The following CDC42SE2 variants were observed in gnomAD, a reference collection of about 807,000 sequenced individuals.
The protein encoded by CDC42SE2 is CDC42 small effector 2.
A neutral mutation model predicts 11.5 loss-of-function variants in CDC42SE2; 3 were observed. The ratio of observed to expected loss-of-function variants is 0.26; its 90% CI spans 0.12 to 0.67. The LOEUF is 0.67. CDC42SE2 is among the 30% of genes least tolerant of loss of function. CDC42SE2 has a pLI of 0.80. For missense variants in CDC42SE2, 82 were observed against 106.8 expected, an observed-to-expected ratio of 0.77 and a Z score of 1.02; for synonymous variants, 33 against 34.8, an observed-to-expected ratio of 0.95 and a Z score of 0.18.
intron 1 of CDC42SE2, among the ~76,000 whole-genome samples, chr5:131,280,763 G>A (rs563315129): frequency 1.3e-5 from 2 of 152,208 alleles, no homozygotes; most frequent in Non-Finnish European, 1.5e-5. Flanking sequence ...GTCCAAGTCC[G>A]ACTGATCCTT....
the CDC42SE2 span, among the ~76,000 whole-genome samples, chr5:131,219,182 T>C: frequency 6.6e-6 from 1 of 152,232 alleles, no homozygotes; most frequent in South Asian, 2.1e-4. Context: ...AAATTTTTAT[T>C]TTAAAATAAA....
intron 1 of CDC42SE2, among the ~76,000 whole-genome samples, chr5:131,283,455 G>C (rs1757280110): frequency 6.6e-6 from 1 of 151,426 alleles, no homozygotes; most frequent in African/African-American, 2.4e-5. Context: ...TTAGCATAAT[G>C]TTTCAAGATT....
chr5:131,318,243 G>A (rs1293863046), intron 2 of CDC42SE2, among the ~76,000 whole-genome samples: 3 of 152,154 alleles, frequency 2.0e-5, no homozygotes, highest in African/African-American at 7.2e-5. Flanking sequence ...CCAACCAGGA[G>A]AATAACTTTT....
chr5:131,373,688 T>G (rs770065623), intron 3 of CDC42SE2, among the ~76,000 whole-genome samples: 2 of 151,868 alleles, frequency 1.3e-5, no homozygotes, highest in Admixed American at 6.6e-5. Flanking sequence ...TCGGAAGAAA[T>G]AGATGATACA....
At chr5:131,275,881 A>G (rs1757090377) in intron 1 of CDC42SE2, among the ~76,000 whole-genome samples, 1 of 150,032 alleles carries the variant, frequency 6.7e-6, no homozygotes, top group Non-Finnish European at 1.5e-5. Flanking sequence ...TCTCCTTTCA[A>G]AAAAAAAAGC....
intron 1 of CDC42SE2, among the ~76,000 whole-genome samples, chr5:131,264,733 A>G (rs931028188): frequency 2.0e-5 from 3 of 152,140 alleles, no homozygotes; most frequent in Non-Finnish European, 4.4e-5. Flanking sequence ...CTACTCTTAC[A>G]GGTTGTTTTA....
chr5:131,211,318 T>A, the CDC42SE2 span, among the ~76,000 whole-genome samples: 1 of 152,254 alleles, frequency 6.6e-6, no homozygotes, highest in Admixed American at 6.5e-5. Flanking sequence ...CTCATTTAAT[T>A]TTATTTTTTA....
chr5:131,382,646 A>G (rs1323614247), intron 3 of CDC42SE2, among the ~76,000 whole-genome samples: 1 of 152,182 alleles, frequency 6.6e-6, no homozygotes, highest in Non-Finnish European at 1.5e-5. Context: ...CTCTCTCTGC[A>G]TATCAGAAGC....
chr5:131,267,243 CAG>C (rs775399756), intron 1 of CDC42SE2, among the ~76,000 whole-genome samples: 8 of 151,958 alleles, frequency 5.3e-5, no homozygotes, highest in East Asian at 3.9e-4. Context: ...TTAGTAGAGA[CAG>C]GGTTTCACCG....
At chr5:131,357,556 A>T (rs1024970359) in intron 2 of CDC42SE2, among the ~76,000 whole-genome samples, 3 of 152,240 alleles carry the variant, frequency 2.0e-5, no homozygotes, top group African/African-American at 7.2e-5. Context: ...TTACTGATCT[A>T]TAGTTGGCAA....
Position 131,268,054 on chromosome 5 carries a change from C to CTTT in CDC42SE2, c.-455+3913_-455+3915dup, listed in dbSNP as rs148354795. Among the ~76,000 whole-genome samples the CTTT allele has an allele frequency of 2.2e-3, 145 of 65,450 alleles. 19 individuals carry two copies. The highest frequency in any genetic ancestry group is 8.8e-3 in the African/African-American group (120 of 13,616). The allele number at this position is 65,450 out of a possible 152,430, so 42.9% of individuals were successfully genotyped here. ...AGAGAAGTACATGTACATGCTTATTCTTTTTTTTTTTTTTTTTTTTTTTTT... is the reference window on the plus strand; with the variant it reads ...AGAGAAGTACATGTACATGCTTATTCTTTTTTTTTTTTTTTTTTTTTTTTTTTT... On this transcript the variant is annotated intron_variant, in intron 1 of 4. Transcript: ENST00000505065.
the CDC42SE2 span, among the ~76,000 whole-genome samples, chr5:131,218,494 G>T: frequency 6.6e-6 from 1 of 152,126 alleles, no homozygotes; most frequent in East Asian, 1.9e-4. Context: ...ACTAAAGCTG[G>T]ACATATACAT....
At chr5:131,292,992 A>G (rs1160319919) in intron 1 of CDC42SE2, among the ~76,000 whole-genome samples, 2 of 151,954 alleles carry the variant, frequency 1.3e-5, no homozygotes, top group African/African-American at 4.8e-5. Context: ...TGTTGAATGA[A>G]TGAACAGATA....
intron 3 of CDC42SE2, among the ~76,000 whole-genome samples, chr5:131,382,162 A>AT (rs1750346806): frequency 6.6e-6 from 1 of 152,238 alleles, no homozygotes; most frequent in Non-Finnish European, 1.5e-5. Flanking sequence ...CTAATAACAC[A>AT]GTATGATAGA....
intron 2 of CDC42SE2, among the ~76,000 whole-genome samples, chr5:131,323,546 G>GTTTTT (rs1561584661): frequency 2.1e-5 from 2 of 96,630 alleles, no homozygotes; most frequent in Admixed American, 1.3e-4. Flanking sequence ...CTCTCTCTCT[G>GTTTTT]GTTTTTTTTT....
At chr5:131,358,938 AAATT>A (rs1419354559) in intron 2 of CDC42SE2, among the ~76,000 whole-genome samples, 2 of 152,188 alleles carry the variant, frequency 1.3e-5, no homozygotes, top group South Asian at 2.1e-4. Flanking sequence ...TGATTTTTAA[AAATT>A]AACTCATTAA....
chr5:131,342,997 A>C (rs970968142), intron 2 of CDC42SE2, among the ~76,000 whole-genome samples: 1 of 152,158 alleles, frequency 6.6e-6, no homozygotes, highest in Non-Finnish European at 1.5e-5. Flanking sequence ...CTGATTTTTA[A>C]AAAGTCTATG....
the CDC42SE2 span, among the ~76,000 whole-genome samples, chr5:131,235,259 C>T: frequency 2.0e-5 from 3 of 151,432 alleles, no homozygotes; most frequent in Non-Finnish European, 2.9e-5. Context: ...ATGCTAATCT[C>T]TTCCAGAAAT....
chr5:131,310,845 G>T (rs1423610274), intron 1 of CDC42SE2, among the ~76,000 whole-genome samples: 1 of 151,972 alleles, frequency 6.6e-6, no homozygotes, highest in African/African-American at 2.4e-5. Context: ...GTCTCTGCAC[G>T]TGAGATGGGT....
Sources: gnomAD v4.1 joint callset for allele counts (sites outside exome capture counted in the v4.1 genomes callset) on GRCh38, gnomAD v4.1.1 for gene constraint, MANE v1.5 for transcripts, NCBI Gene and HGNC (gene_info 2026-07-23, HGNC 2026-07-21) for gene names.